The following KCNN2 variants were observed in gnomAD, a reference collection of about 807,000 sequenced individuals.
KCNN2 encodes small conductance calcium-activated potassium channel protein 2.
KCNN2 carries 24 observed loss-of-function variants against 55.5 expected under a neutral mutation model. That is an observed-to-expected ratio of 0.43 (90% CI 0.31 to 0.61). The LOEUF is 0.61. Ranked by LOEUF, KCNN2 falls within the 20% of genes least tolerant of loss-of-function variation. The probability of loss-of-function intolerance (pLI) is 0.08; values close to 1 mark genes in which losing one functional copy is unlikely to be tolerated. For missense variants in KCNN2, 754 were observed against 853.6 expected (o/e 0.88, Z 1.45); for synonymous variants, 431 against 336.1 (o/e 1.28, Z -3.09).
chr5:114,134,485 T>TTATTTATTTATA (rs1752132459), intron 1 of KCNN2, among the ~76,000 whole-genome samples: 4 of 149,390 alleles, frequency 2.7e-5, no homozygotes, highest in African/African-American at 9.9e-5. Context: ...ATTTATTTAT[T>TTATTTATTTATA]TATTTATTTA....
intron 2 of KCNN2, among the ~76,000 whole-genome samples, chr5:114,393,382 T>A (rs1309993973): frequency 6.6e-6 from 1 of 152,142 alleles, no homozygotes; most frequent in African/African-American, 2.4e-5. Context: ...ATTCAGTGTG[T>A]TTGGCTGTGT....
At chr5:114,402,848 G>A (rs1758827901) in intron 2 of KCNN2, among the ~76,000 whole-genome samples, 1 of 152,180 alleles carries the variant, frequency 6.6e-6, no homozygotes, top group Admixed American at 6.5e-5. Context: ...TCACCTAAAG[G>A]TAAAGGATGA....
intron 1 of KCNN2, among the ~76,000 whole-genome samples, chr5:114,066,261 T>C (rs995606597): frequency 1.3e-5 from 2 of 152,232 alleles, no homozygotes; most frequent in African/African-American, 4.8e-5. Flanking sequence ...TGTCTTTCTT[T>C]TGTTTATGAT....
chr5:114,096,267 A>G (rs950691575), intron 1 of KCNN2, among the ~76,000 whole-genome samples: 9 of 152,318 alleles, frequency 5.9e-5, no homozygotes, highest in African/African-American at 1.7e-4. Context: ...AAACTGCTTA[A>G]CACATAATAT....
At chr5:114,334,761 T>C (rs1175493708) in intron 2 of KCNN2, among the ~76,000 whole-genome samples, 1 of 152,168 alleles carries the variant, frequency 6.6e-6, no homozygotes, top group Admixed American at 6.5e-5. Context: ...TTCATTTCTG[T>C]ATTTCTAAAC....
At chr5:114,387,891 T>C (rs186861207) in intron 2 of KCNN2, among the ~76,000 whole-genome samples, 20 of 152,328 alleles carry the variant, frequency 1.3e-4, no homozygotes, top group Admixed American at 4.6e-4. Flanking sequence ...TTATTTATCA[T>C]AGGAGAAAAA....
chr5:114,467,229 AAAG>A (rs1477767576), intron 4 of KCNN2, among the ~76,000 whole-genome samples: 2 of 152,188 alleles, frequency 1.3e-5, no homozygotes, highest in African/African-American at 4.8e-5. Context: ...AGCTCATAAA[AAAG>A]AAGTGATTGG....
chr5:114,314,184 C>T (rs1046809730), intron 2 of KCNN2, among the ~76,000 whole-genome samples: 4 of 152,056 alleles, frequency 2.6e-5, no homozygotes, highest in African/African-American at 9.7e-5. Context: ...ATTTTTAGAG[C>T]AATTTTAGGT....
At chr5:114,242,298 G>C (rs375026248) in intron 2 of KCNN2, among the ~76,000 whole-genome samples, 1 of 56,434 alleles carries the variant, frequency 1.8e-5, no homozygotes, top group African/African-American at 4.7e-5. Context: ...ATGGAGAGTT[G>C]TCTTCAACAA....
In KCNN2 at chr5:114,363,111, G is replaced by A. The variant is rs764446070; in HGVS notation, c.972G>A (p.Lys324=). The A allele has an allele frequency of 1.5e-4, 248 of 1,613,224 alleles. No individual in the cohort carries two copies. Among genetic ancestry groups the A allele is most frequent in the Non-Finnish European group, 1.9e-4 (230 of 1,179,988 alleles). ...GSSSGTKSSK[K]KNQNIGYKLG... ...GCAGTGGCACCAAGTCCAGCAAAAA[G>A]AAAAACCAGAACATCGGCTACAAGC... The change falls in exon 1 of 8, where the codon AAG becomes AAA. Residue 324 remains lysine (K), a synonymous_variant. Transcript: ENST00000673685.
chr5:114,230,334 C>T (rs1754333252), intron 2 of KCNN2, among the ~76,000 whole-genome samples: 1 of 136,028 alleles, frequency 7.4e-6, no homozygotes, highest in South Asian at 2.5e-4. Context: ...GCACATTGTG[C>T]AGGTTAGTTA....
intron 1 of KCNN2, among the ~76,000 whole-genome samples, chr5:114,093,395 C>T (rs1275709976): frequency 1.3e-5 from 2 of 152,212 alleles, no homozygotes; most frequent in African/African-American, 4.8e-5. Context: ...CTGTCTTCTT[C>T]TGAGCCCTCC....
At chr5:114,235,329 A>G (rs1232115131) in intron 2 of KCNN2, among the ~76,000 whole-genome samples, 1 of 152,216 alleles carries the variant, frequency 6.6e-6, no homozygotes, top group Non-Finnish European at 1.5e-5. Flanking sequence ...CAATTAATGC[A>G]ATTAAGTTTC....
rs985637655 is a variant in KCNN2, at chr5:114,480,466, C to T, written c.1891-6584C>T. On this transcript the variant is annotated intron_variant, in intron 5 of 7. Transcript: ENST00000673685. ...TGGTGCCATTTCTACAGAAACTATCCCAAAAAATCACAAAGGAGGGACTGC... is the reference window on the plus strand; with the variant it reads ...TGGTGCCATTTCTACAGAAACTATCTCAAAAAATCACAAAGGAGGGACTGC... Among the ~76,000 whole-genome samples, 4 of 152,120 alleles carry T rather than the reference C, an allele frequency of 2.6e-5. No homozygotes were observed. In the East Asian group the frequency reaches 7.7e-4, roughly 29 times the overall value.
At chr5:114,160,498 G>C (rs1752747611) in intron 1 of KCNN2, among the ~76,000 whole-genome samples, 1 of 152,142 alleles carries the variant, frequency 6.6e-6, no homozygotes, top group African/African-American at 2.4e-5. Flanking sequence ...GGGGTGGAGA[G>C]TTCTGTAGAT....
intron 2 of KCNN2, among the ~76,000 whole-genome samples, chr5:114,345,256 A>G (rs1482121504): frequency 6.6e-6 from 1 of 152,216 alleles, no homozygotes; most frequent in Non-Finnish European, 1.5e-5. Context: ...AAAAATATAC[A>G]TGTGTCAACT....
chr5:114,236,714 A>G (rs1202246547), intron 2 of KCNN2, among the ~76,000 whole-genome samples: 1 of 152,084 alleles, frequency 6.6e-6, no homozygotes, highest in African/African-American at 2.4e-5. Flanking sequence ...TTTGTGTAAT[A>G]TATATTCATT....
chr5:114,381,482 C>CT (rs1758124177), intron 2 of KCNN2, among the ~76,000 whole-genome samples: 1 of 152,302 alleles, frequency 6.6e-6, no homozygotes, highest in Admixed American at 6.5e-5. Flanking sequence ...CCATGAGAAT[C>CT]TAAGGGCTCT....
chr5:114,087,310 G>C (rs889079054), intron 1 of KCNN2, among the ~76,000 whole-genome samples: 1 of 151,864 alleles, frequency 6.6e-6, no homozygotes, highest in African/African-American at 2.4e-5. Context: ...TTTTGTTTTT[G>C]TTGCAGTTGC....
Sources: allele counts gnomAD v4.1 joint callset (sites outside exome capture counted in the v4.1 genomes callset), GRCh38; gene constraint gnomAD v4.1.1; transcripts MANE v1.5; gene names NCBI Gene and HGNC (gene_info 2026-07-23, HGNC 2026-07-21).